DCK: variants seen among roughly 807,000 people sequenced by gnomAD.
The protein encoded by DCK is deoxyadenosine kinase.
DCK carries 23 observed loss-of-function variants against 38.3 expected under a neutral mutation model. The ratio of observed to expected loss-of-function variants is 0.60; its 90% confidence interval spans 0.43 to 0.85. The LOEUF is 0.85. Ranked by LOEUF, DCK falls within the 40% of genes least tolerant of loss-of-function variation. The pLI is 0.00. For synonymous variants in DCK, 108 were observed against 100.6 expected, an observed-to-expected ratio of 1.07 and a Z score of -0.44; for missense variants, 259 against 304.4, an observed-to-expected ratio of 0.85 and a Z score of 1.11.
In DCK at chr4:71,023,693, A is replaced by G. The variant is rs752391013; in HGVS notation, c.536A>G (p.Gln179Arg). 121 of 1,608,226 alleles carry G rather than the reference A, an allele frequency of 7.5e-5. No individual in the cohort carries two copies. The highest frequency in any genetic ancestry group is 1.6e-4 in the Middle Eastern group (1 of 6,074). ...GAATTGGATGGAATCATTTATCTTC[A>G]AGCCACTCCAGAGGTAAAACCCAAT... ...SLELDGIIYLQATPETCLHRI... is the reference protein window; with the variant it reads ...SLELDGIIYLRATPETCLHRI... Residue 179 changes from glutamine (Q) to arginine (R), a missense_variant, in exon 4 of 7, where the codon CAA becomes CGA. By Grantham distance (43) the Gln-to-Arg change is conservative (BLOSUM62 1). Around this residue, in one of 3 missense-constraint regions of DCK, gnomAD observed 82 missense variants for 103.8 expected, o/e 0.79. Coordinates refer to ENST00000286648, the MANE Select transcript of DCK (RefSeq NM_000788.3).
intron 6 of DCK, 140 bp downstream of exon 6, chr4:71,026,895 G>A (rs1401528965): frequency 2.0e-6 from 1 of 496,610 alleles, no homozygotes; most frequent in Non-Finnish European, 3.6e-6. Context: ...ATTTTGGACT[G>A]TTTAAGATTC....
At chr4:71,023,127 C>A (rs1740470903) in intron 3 of DCK, among the ~76,000 whole-genome samples, 1 of 152,002 alleles carries the variant, frequency 6.6e-6, no homozygotes, top group South Asian at 2.1e-4. Flanking sequence ...AAATTCATTA[C>A]ATATTAATAT....
chr4:71,012,602 G>A lies in DCK; in HGVS notation c.208-9765G>A, dbSNP rs180759866. On this transcript the variant is annotated intron_variant, in intron 2 of 6. Coordinates refer to ENST00000286648, the MANE Select transcript of DCK (RefSeq NM_000788.3). Reference sequence around the variant, plus strand: ...GAACGATCAGGCAGCAACAATTGCTGTTCAGCAGTATTCGCTGTTCTGCAG... The same window carrying A: ...GAACGATCAGGCAGCAACAATTGCTATTCAGCAGTATTCGCTGTTCTGCAG... Among the ~76,000 whole-genome samples, 27 of 152,344 alleles carry A rather than the reference G, an allele frequency of 1.8e-4. No individual in the cohort carries two copies. In the East Asian group the frequency reaches 5.0e-3, roughly 28 times the overall value.
chr4:71,003,456 G>A (rs574641572), intron 2 of DCK, among the ~76,000 whole-genome samples: 2 of 152,142 alleles, frequency 1.3e-5, no homozygotes, highest in African/African-American at 2.4e-5. Context: ...CTTCTCAAGG[G>A]CATCTTTGTG....
intron 2 of DCK, among the ~76,000 whole-genome samples, chr4:71,018,911 A>G (rs76481855): frequency 4.2e-4 from 64 of 152,170 alleles, no homozygotes; most frequent in African/African-American, 1.5e-3. Flanking sequence ...AGCTTAAGTG[A>G]TCCGCCTGCC....
intron 1 of DCK, among the ~76,000 whole-genome samples, chr4:70,995,836 C>T (rs940220133): frequency 1.3e-5 from 2 of 152,134 alleles, no homozygotes; most frequent in Non-Finnish European, 2.9e-5. Context: ...AAATTCTTCA[C>T]TGATTTTGCC....
intron 2 of DCK, among the ~76,000 whole-genome samples, chr4:71,004,031 A>G (rs1739876250): frequency 6.6e-6 from 1 of 152,142 alleles, no homozygotes; most frequent in Admixed American, 6.5e-5. Flanking sequence ...TGGAGGAGAA[A>G]AGACATTCTG....
intron 2 of DCK, among the ~76,000 whole-genome samples, chr4:71,006,607 A>G (rs1421917597): frequency 6.6e-6 from 1 of 152,174 alleles, no homozygotes; most frequent in African/African-American, 2.4e-5. Context: ...CAGGAGTTCA[A>G]GACCAGCCTG....
At chr4:71,007,559 T>G (rs1739976930) in intron 2 of DCK, among the ~76,000 whole-genome samples, 1 of 152,244 alleles carries the variant, frequency 6.6e-6, no homozygotes, top group South Asian at 2.1e-4. Context: ...CCTCTAAGTA[T>G]AATTTAGTTT....
At chr4:71,007,696 T>G (rs1283240335) in intron 2 of DCK, among the ~76,000 whole-genome samples, 1 of 152,260 alleles carries the variant, frequency 6.6e-6, no homozygotes, top group East Asian at 1.9e-4. Context: ...TTCAGCTATA[T>G]AGTATTGAAT....
intron 2 of DCK, among the ~76,000 whole-genome samples, chr4:71,021,830 G>C (rs945342522): frequency 6.6e-6 from 1 of 152,016 alleles, no homozygotes; most frequent in African/African-American, 2.4e-5. Flanking sequence ...GTGAAACCCC[G>C]TCTCTACTAA....
chr4:71,015,921 A>C (rs1052343166), intron 2 of DCK, among the ~76,000 whole-genome samples: 2 of 152,198 alleles, frequency 1.3e-5, no homozygotes, highest in Non-Finnish European at 2.9e-5. Context: ...TAGTGTTGGA[A>C]GTTCTGGCCA....
chr4:71,023,774 T>C (rs1740485544), intron 4 of DCK, 68 bp downstream of exon 4: 1 of 1,459,718 alleles, frequency 6.9e-7, no homozygotes, highest in Non-Finnish European at 9.2e-7. Context: ...TTCAGTGGTA[T>C]ATAATGAGGG....
chr4:71,005,221 G>A (rs1259829491), intron 2 of DCK, among the ~76,000 whole-genome samples: 1 of 151,920 alleles, frequency 6.6e-6, no homozygotes, highest in Non-Finnish European at 1.5e-5. Context: ...AGGGGAGGGA[G>A]TTCCCCCACC....
chr4:71,001,448 C>CT (rs1481279026), intron 2 of DCK, among the ~76,000 whole-genome samples: 8 of 151,834 alleles, frequency 5.3e-5, no homozygotes, highest in South Asian at 2.1e-4. Context: ...CTGACATTTT[C>CT]TTTTTTTTGT....
intron 2 of DCK, among the ~76,000 whole-genome samples, chr4:71,009,865 A>T (rs1437639467): frequency 6.6e-6 from 1 of 152,174 alleles, no homozygotes; most frequent in Non-Finnish European, 1.5e-5. Flanking sequence ...TAAACTCAAG[A>T]AGTGAGATTT....
Position 71,030,370 on chromosome 4 carries a change from T to C in DCK, c.*992T>C, listed in dbSNP as rs1049418011. 1 of 152,172 alleles carries C rather than the reference T, an allele frequency of 6.6e-6. No individual in the cohort carries two copies. Among genetic ancestry groups the C allele is most frequent in the African/African-American group, 2.4e-5 (1 of 41,456 alleles). The allele number at this position is 152,172 out of a possible 1,614,324, so 9.4% of individuals were successfully genotyped here. ...TATTAAACCTTTCCATTTTACGTTT[T>C]AGAAAATTTTATGTATTTTAAAATA... On this transcript the variant is annotated 3_prime_UTR_variant, in exon 7 of 7. Coordinates refer to ENST00000286648, the MANE Select transcript of DCK (RefSeq NM_000788.3).
At chr4:71,004,574 C>T (rs1306769414) in intron 2 of DCK, among the ~76,000 whole-genome samples, 1 of 152,236 alleles carries the variant, frequency 6.6e-6, no homozygotes, top group African/African-American at 2.4e-5. Flanking sequence ...CGCCTTCCCC[C>T]AGATGCTCTG....
chr4:71,011,232 CTTTTT>C (rs11322673), intron 2 of DCK, among the ~76,000 whole-genome samples: 1 of 93,006 alleles, frequency 1.1e-5, no homozygotes. Flanking sequence ...TGTGAGGTCT[CTTTTT>C]TTTTTTTTTT....
Sources: gnomAD v4.1 joint callset for allele counts (sites outside exome capture counted in the v4.1 genomes callset) on GRCh38, gnomAD v4.1.1 for gene constraint, gnomAD v4.1.1 regional missense constraint, MANE v1.5 for transcripts, NCBI Gene and HGNC (gene_info 2026-07-23, HGNC 2026-07-21) for gene names.